Variants in MYRIP observed in about 807,000 individuals in gnomAD.
The protein encoded by MYRIP is rab effector MyRIP.
MYRIP carries 49 observed loss-of-function variants against 98.0 expected under a neutral mutation model. The ratio of observed to expected loss-of-function variants is 0.50; its 90% CI spans 0.40 to 0.63. The LOEUF is 0.63. MYRIP is among the 30% of genes least tolerant of loss of function. The pLI is 0.00. For missense variants in MYRIP, 1,004 were observed against 1,058.2 expected (o/e 0.95, Z 0.71); for synonymous variants, 404 against 409.5 (o/e 0.99, Z 0.16).
rs1575628098 is a variant in MYRIP, at chr3:40,204,021, T to C, written c.1666-5833T>C. Among the ~76,000 whole-genome samples the C allele has an allele frequency of 6.3e-4, 4 of 6,332 alleles. 1 individual carries two copies. The highest frequency in any genetic ancestry group is 7.9e-4 in the African/African-American group (2 of 2,518). The allele number at this position is 6,332 out of a possible 152,430, so 4.2% of individuals were successfully genotyped here. A position where few individuals can be genotyped will look rare whatever the true frequency, so the allele number is the denominator to read the frequency against. ...TATATTATATATTATATATAATATA[T>C]ATTATATATATTATATATTATATAT... On this transcript the variant is annotated intron_variant, in intron 10 of 16. Transcript: ENST00000302541.
chr3:39,948,118 G>A (rs1944939504), intron 2 of MYRIP, among the ~76,000 whole-genome samples: 1 of 152,122 alleles, frequency 6.6e-6, no homozygotes, highest in Admixed American at 6.6e-5. Context: ...TTTCTGGGGA[G>A]AGGGGTAATT....
intron 2 of MYRIP, among the ~76,000 whole-genome samples, chr3:40,022,403 A>G (rs939670175): frequency 6.6e-6 from 1 of 152,212 alleles, no homozygotes; most frequent in African/African-American, 2.4e-5. Context: ...TTCAAGGAAA[A>G]AGATAAATTT....
chr3:39,877,063 A>T (rs1943018770), intron 1 of MYRIP, among the ~76,000 whole-genome samples: 1 of 151,676 alleles, frequency 6.6e-6, no homozygotes, highest in African/African-American at 2.4e-5. Context: ...TTTTCTCTAA[A>T]CTTCCCTTCT....
At chr3:40,098,918 T>C (rs1259230564) in intron 3 of MYRIP, among the ~76,000 whole-genome samples, 3 of 151,684 alleles carry the variant, frequency 2.0e-5, no homozygotes, top group African/African-American at 7.3e-5. Flanking sequence ...TGCATGTGTG[T>C]GCGTGTGTGT....
intron 16 of MYRIP, among the ~76,000 whole-genome samples, chr3:40,257,073 T>G (rs1953617869): frequency 6.6e-6 from 1 of 152,112 alleles, no homozygotes; most frequent in African/African-American, 2.4e-5. Flanking sequence ...CACCTATAAT[T>G]CCAGCACTTT....
intron 5 of MYRIP, among the ~76,000 whole-genome samples, chr3:40,163,585 T>C (rs1416432120): frequency 1.3e-5 from 2 of 152,162 alleles, no homozygotes; most frequent in African/African-American, 4.8e-5. Flanking sequence ...GAATTCACTC[T>C]CCCTCTTCTG....
chr3:39,913,197 A>G (rs1326073875), intron 2 of MYRIP, among the ~76,000 whole-genome samples: 2 of 152,324 alleles, frequency 1.3e-5, no homozygotes. Flanking sequence ...TTTTTCACAA[A>G]TATTAAAAGG....
At chr3:40,079,981 T>C (rs1948439109) in intron 3 of MYRIP, among the ~76,000 whole-genome samples, 1 of 152,218 alleles carries the variant, frequency 6.6e-6, no homozygotes, top group Non-Finnish European at 1.5e-5. Flanking sequence ...TTTCTTTCTC[T>C]TGTTTTATTG....
At chr3:39,960,038 C>G (rs1376128986) in intron 2 of MYRIP, among the ~76,000 whole-genome samples, 4 of 152,066 alleles carry the variant, frequency 2.6e-5, no homozygotes, top group African/African-American at 4.8e-5. Context: ...TCAGGCATCT[C>G]CCATTCCCAA....
At chr3:39,959,165 T>G (rs1012159570) in intron 2 of MYRIP, among the ~76,000 whole-genome samples, 1 of 152,128 alleles carries the variant, frequency 6.6e-6, no homozygotes, top group African/African-American at 2.4e-5. Context: ...GACCCAGACA[T>G]CCCATTACTG....
chr3:40,129,077 G>T (rs1027743746), intron 3 of MYRIP, among the ~76,000 whole-genome samples: 1 of 151,800 alleles, frequency 6.6e-6, no homozygotes, highest in Non-Finnish European at 1.5e-5. Context: ...AATGACAAGG[G>T]GGGAAACAAG....
rs1018148540 is a variant in MYRIP, at chr3:39,887,513, T to G, written c.-30-13274T>G. 2.6e-5 allele frequency among the ~76,000 whole-genome samples: 4 copies of G among 152,266 alleles called. No homozygotes were observed. The South Asian group carries it at 8.3e-4, about 32-fold the overall frequency. ...TAAAAACTCTCAATAAATTAGGTAT[T>G]GATGGGACGTATTTCAAAATAATGA... On this transcript the variant is annotated intron_variant, in intron 1 of 16. Coordinates refer to ENST00000302541, the MANE Select transcript of MYRIP (RefSeq NM_015460.4).
intron 3 of MYRIP, among the ~76,000 whole-genome samples, chr3:40,059,245 G>C (rs1027510791): frequency 5.9e-5 from 9 of 152,158 alleles, no homozygotes; most frequent in South Asian, 2.1e-4. Context: ...ATAAACTTAC[G>C]TTTGCATGTG....
intron 11 of MYRIP, among the ~76,000 whole-genome samples, chr3:40,224,449 C>G (rs1364139653): frequency 6.6e-6 from 1 of 151,748 alleles, no homozygotes; most frequent in East Asian, 1.9e-4. Context: ...CTATGATTAC[C>G]TCTTAGGCCA....
At chr3:40,204,260 C>G (rs1197306850) in intron 10 of MYRIP, among the ~76,000 whole-genome samples, 1 of 113,850 alleles carries the variant, frequency 8.8e-6, no homozygotes, top group East Asian at 2.3e-4. Flanking sequence ...GACAGAGTCT[C>G]ACTCTGTCAC....
intron 2 of MYRIP, among the ~76,000 whole-genome samples, chr3:39,985,941 A>T (rs897960175): frequency 2.0e-5 from 3 of 152,028 alleles, no homozygotes; most frequent in Non-Finnish European, 2.9e-5. Flanking sequence ...TGGCAACAAA[A>T]GCCAAAATTG....
intron 10 of MYRIP, among the ~76,000 whole-genome samples, chr3:40,193,774 G>A (rs887308057): frequency 3.9e-5 from 6 of 151,922 alleles, no homozygotes; most frequent in Non-Finnish European, 7.4e-5. Context: ...AATCCTCTTT[G>A]GCTAACACTT....
chr3:39,957,405 T>G (rs1945196124), intron 2 of MYRIP, among the ~76,000 whole-genome samples: 1 of 149,070 alleles, frequency 6.7e-6, no homozygotes, highest in African/African-American at 2.6e-5. Flanking sequence ...ATCCATCATA[T>G]AAACAGAACC....
chr3:40,089,423 C>T (rs989494106), intron 3 of MYRIP, among the ~76,000 whole-genome samples: 1 of 152,182 alleles, frequency 6.6e-6, no homozygotes, highest in Admixed American at 6.5e-5. Flanking sequence ...GCTGTTAGAA[C>T]ATCATCCTTT....
Sources: allele counts gnomAD v4.1 joint callset (sites outside exome capture counted in the v4.1 genomes callset), GRCh38; gene constraint gnomAD v4.1.1; transcripts MANE v1.5; gene names NCBI Gene and HGNC (gene_info 2026-07-23, HGNC 2026-07-21).